The following HPSE2 variants were observed in gnomAD, a reference collection of about 807,000 sequenced individuals.
The protein encoded by HPSE2 is inactive heparanase-2.
Under a neutral mutation model 60.5 loss-of-function variants are expected in HPSE2, and 38 were observed. The observed-to-expected ratio is 0.63, with a 90% CI of 0.48 to 0.82. The LOEUF is 0.82. HPSE2 is among the 40% of genes least tolerant of loss of function. The pLI is 0.00. For missense variants in HPSE2, 713 were observed against 740.4 expected (o/e 0.96, Z 0.43); for synonymous variants, 295 against 293.2 (o/e 1.01, Z -0.06).
chr10:98,895,442 G>A (rs989567057), intron 3 of HPSE2, among the ~76,000 whole-genome samples: 1 of 152,080 alleles, frequency 6.6e-6, no homozygotes, highest in Non-Finnish European at 1.5e-5. Context: ...AATTCTGTGT[G>A]TATTTTAATT....
Position 98,960,599 on chromosome 10 carries a change from G to A in HPSE2, c.610+183639C>T, listed in dbSNP as rs535406331. Among the ~76,000 whole-genome samples the A allele has an allele frequency of 8.4e-4, 127 of 150,360 alleles. 1 individual carries two copies. The highest frequency in any genetic ancestry group is 3.0e-3 in the African/African-American group (121 of 41,016). On this transcript the variant is annotated intron_variant, in intron 3 of 11. Coordinates refer to ENST00000370552, the MANE Select transcript of HPSE2 (RefSeq NM_021828.5). Reference sequence around the variant, plus strand: ...AACTGTATCCCCCTACTACCCCAAGGCAGAGCTAATCTATCCCTCCTCTAT... The same window carrying A: ...AACTGTATCCCCCTACTACCCCAAGACAGAGCTAATCTATCCCTCCTCTAT...
At chr10:98,483,431 T>C (rs1941320286) in intron 10 of HPSE2, among the ~76,000 whole-genome samples, 1 of 152,250 alleles carries the variant, frequency 6.6e-6, no homozygotes, top group African/African-American at 2.4e-5. Context: ...TTGAACATTT[T>C]TGCCATTATA....
chr10:99,150,230 T>G (rs1332684121), intron 2 of HPSE2, among the ~76,000 whole-genome samples: 1 of 152,228 alleles, frequency 6.6e-6, no homozygotes, highest in Non-Finnish European at 1.5e-5. Context: ...TTATTCTTTC[T>G]TCCACAACTT....
At chr10:98,692,025 A>C (rs1454025678) in intron 6 of HPSE2, among the ~76,000 whole-genome samples, 2 of 152,178 alleles carry the variant, frequency 1.3e-5, no homozygotes, top group Non-Finnish European at 2.9e-5. Context: ...AATTACAAAA[A>C]CAAGTCATAA....
intron 5 of HPSE2, among the ~76,000 whole-genome samples, chr10:98,703,006 T>C (rs1462262630): frequency 6.6e-6 from 1 of 152,138 alleles, no homozygotes; most frequent in Non-Finnish European, 1.5e-5. Flanking sequence ...AGCTGGTTTT[T>C]AGTAAAAATT....
intron 3 of HPSE2, among the ~76,000 whole-genome samples, chr10:99,091,631 C>G (rs10883258): frequency 0.49 from 74,674 of 151,940 alleles, 20,809 homozygotes; most frequent in East Asian, 0.65. Flanking sequence ...AAATATGCTC[C>G]ATTTGGCATT....
intron 4 of HPSE2, among the ~76,000 whole-genome samples, chr10:98,728,844 C>T (rs11595253): frequency 0.15 from 22,180 of 151,596 alleles, 1,959 homozygotes; most frequent in Admixed American, 0.23. Context: ...CCCATGTCTA[C>T]GAAAAATTTT....
At chr10:98,541,724 G>A (rs1337629916) in intron 9 of HPSE2, among the ~76,000 whole-genome samples, 32 of 152,204 alleles carry the variant, frequency 2.1e-4, no homozygotes, top group Admixed American at 2.1e-3. Flanking sequence ...TGCTAGCACA[G>A]CAGTCTGAGA....
chr10:98,458,371 C>T lies in HPSE2; in HGVS notation c.*1203G>A, dbSNP rs1591200256. 1 of 152,228 alleles carries T rather than the reference C, an allele frequency of 6.6e-6. No individual in the cohort carries two copies. The highest frequency in any genetic ancestry group is 6.5e-5 in the Admixed American group (1 of 15,286). The allele number at this position is 152,228 out of a possible 1,614,324, so 9.4% of individuals were successfully genotyped here. A position where few individuals can be genotyped will look rare whatever the true frequency, so the allele number is the denominator to read the frequency against. On this transcript the variant is annotated 3_prime_UTR_variant, in exon 12 of 12. Transcript: ENST00000370552. Reference sequence around the variant, plus strand: ...CTCATGCCCCTTGAATCATATAGAACGTCCTCATCCCCCACTTCACACCTG... The same window carrying T: ...CTCATGCCCCTTGAATCATATAGAATGTCCTCATCCCCCACTTCACACCTG...
chr10:99,028,695 G>T (rs1239288265), intron 3 of HPSE2, among the ~76,000 whole-genome samples: 3 of 151,986 alleles, frequency 2.0e-5, no homozygotes, highest in African/African-American at 7.2e-5. Flanking sequence ...TAAGCAAAAA[G>T]AATAAAATTG....
At chr10:98,647,721 A>C (rs550557104) in intron 6 of HPSE2, among the ~76,000 whole-genome samples, 7 of 152,352 alleles carry the variant, frequency 4.6e-5, no homozygotes, top group Admixed American at 2.0e-4. Context: ...GCTCCTGCTG[A>C]GCACTTGCCA....
At chr10:98,523,117 G>C (rs920907786) in intron 9 of HPSE2, among the ~76,000 whole-genome samples, 1 of 151,962 alleles carries the variant, frequency 6.6e-6, no homozygotes, top group African/African-American at 2.4e-5. Flanking sequence ...TGTTTTGTTT[G>C]TTTGTTTGTT....
intron 9 of HPSE2, among the ~76,000 whole-genome samples, chr10:98,550,763 C>T (rs507535): frequency 0.047 from 7,081 of 151,890 alleles, 174 homozygotes; most frequent in South Asian, 0.082. Flanking sequence ...TGTGAGCCAC[C>T]GCGCCTGGCC....
chr10:99,206,819 T>G (rs984387838), intron 2 of HPSE2, among the ~76,000 whole-genome samples: 3 of 151,558 alleles, frequency 2.0e-5, no homozygotes, highest in Non-Finnish European at 4.4e-5. Flanking sequence ...AAGCAGAAGA[T>G]AGAATCAATG....
intron 3 of HPSE2, among the ~76,000 whole-genome samples, chr10:99,103,135 C>A (rs533074454): frequency 6.6e-6 from 1 of 151,004 alleles, no homozygotes; most frequent in African/African-American, 2.4e-5. Flanking sequence ...CTGGCCAGGG[C>A]AATTAGGCAG....
intron 3 of HPSE2, among the ~76,000 whole-genome samples, chr10:98,747,611 ACTT>A (rs1949659847): frequency 6.6e-6 from 1 of 152,220 alleles, no homozygotes; most frequent in Non-Finnish European, 1.5e-5. Flanking sequence ...TTTGGGAAAT[ACTT>A]CTTTAAGAAT....
intron 9 of HPSE2, among the ~76,000 whole-genome samples, chr10:98,520,330 T>A (rs1391646002): frequency 6.6e-6 from 1 of 152,224 alleles, no homozygotes; most frequent in Admixed American, 6.5e-5. Flanking sequence ...ACGAGGCCAG[T>A]GCCTCCATTT....
In HPSE2 at chr10:98,522,176, T is replaced by C. The variant is rs548726763; in HGVS notation, c.1321-31980A>G. On this transcript the variant is annotated intron_variant, in intron 9 of 11. Transcript: ENST00000370552. ...TCAACTACATGGGATTGTTAGGAAG[T>C]TTAAATGGTTTCATATAGGGTTTAG... Among the ~76,000 whole-genome samples the C allele has an allele frequency of 2.0e-5, 3 of 151,444 alleles. No individual in the cohort carries two copies. In the South Asian group the frequency reaches 6.3e-4, roughly 32 times the overall value.
intron 3 of HPSE2, among the ~76,000 whole-genome samples, chr10:98,990,177 C>G (rs1268144218): frequency 6.6e-6 from 1 of 152,214 alleles, no homozygotes; most frequent in Non-Finnish European, 1.5e-5. Context: ...TGTCACTTGC[C>G]ATTTGCTGAT....
Sources: gnomAD v4.1 joint callset for allele counts (sites outside exome capture counted in the v4.1 genomes callset) on GRCh38, gnomAD v4.1.1 for gene constraint, MANE v1.5 for transcripts, NCBI Gene and HGNC (gene_info 2026-07-23, HGNC 2026-07-21) for gene names.